The following FBLN2 variants were observed in gnomAD, a reference collection of about 807,000 sequenced individuals.
The protein encoded by FBLN2 is fibulin 2, also known as fibulin-2.
Under a neutral mutation model 123.7 loss-of-function variants are expected in FBLN2, and 81 were observed. The observed-to-expected ratio is 0.65, with a 90% confidence interval of 0.55 to 0.79. The LOEUF is 0.79. Ranked by LOEUF, FBLN2 falls within the 30% of genes least tolerant of loss-of-function variation. The pLI is 0.00. For synonymous variants in FBLN2, 699 were observed against 701.4 expected, an observed-to-expected ratio of 1.00 and a Z score of 0.05; for missense variants, 1,603 against 1,681.3, an observed-to-expected ratio of 0.95 and a Z score of 0.81.
At chr3:13,581,836 G>T (rs2124841931) in intron 2 of FBLN2, among the ~76,000 whole-genome samples, 1 of 152,282 alleles carries the variant, frequency 6.6e-6, no homozygotes, top group South Asian at 2.1e-4. Context: ...GTCAACCTGT[G>T]CCTGGCCATG....
At chr3:13,621,969 C>T (rs1303254606) in intron 9 of FBLN2, 54 bp downstream of exon 9, 28 of 1,584,282 alleles carry the variant, frequency 1.8e-5, no homozygotes, top group East Asian at 4.5e-5. Context: ...CTCTGCTCCA[C>T]GCCAAGCCCA....
chr3:13,630,867 T>G (rs1412095151), intron 15 of FBLN2, 52 bp downstream of exon 15: 1 of 1,386,444 alleles, frequency 7.2e-7, no homozygotes. Context: ...TCCTTTCCCT[T>G]GTGCCAGGCT....
chr3:13,614,635 T>TCCATCC (rs1705524058), intron 5 of FBLN2, among the ~76,000 whole-genome samples: 2 of 131,914 alleles, frequency 1.5e-5, no homozygotes, highest in African/African-American at 3.0e-5. Context: ...CCCACCCAAT[T>TCCATCC]ATCCATCCAT....
Position 13,584,745 on chromosome 3 carries a change from G to T in FBLN2, c.1306+13084G>T, listed in dbSNP as rs529798330. Among the ~76,000 whole-genome samples the T allele has an allele frequency of 9.8e-5, 15 of 152,324 alleles. No individual in the cohort carries two copies. The East Asian group carries it at 2.7e-3, about 27-fold the overall frequency. ...GGCTTTGGGGAGGATGGCCGTGCGG[G>T]TATGGTGGTTGGGAATCAGGGACTG... On this transcript the variant is annotated intron_variant, in intron 2 of 17. Coordinates refer to ENST00000404922, the MANE Select transcript of FBLN2 (RefSeq NM_001004019.2).
chr3:13,597,097 A>G (rs1017819295), intron 2 of FBLN2, among the ~76,000 whole-genome samples: 1 of 151,948 alleles, frequency 6.6e-6, no homozygotes, highest in African/African-American at 2.4e-5. Flanking sequence ...ATGCCTGGCT[A>G]ATTTTTAAAT....
At chr3:13,621,255 C>A (rs533043246) in intron 8 of FBLN2, among the ~76,000 whole-genome samples, 2 of 152,254 alleles carry the variant, frequency 1.3e-5, no homozygotes, top group African/African-American at 4.8e-5. Context: ...GAGTTCCAAA[C>A]GTGTTGAGCA....
chr3:13,607,393 G>A (rs1345730112), intron 2 of FBLN2, among the ~76,000 whole-genome samples: 2 of 152,176 alleles, frequency 1.3e-5, no homozygotes, highest in Non-Finnish European at 2.9e-5. Flanking sequence ...CATCATAAAG[G>A]TCTTCATCCT....
At chr3:13,553,603 A>G (rs1438878022) in intron 1 of FBLN2, among the ~76,000 whole-genome samples, 3 of 152,224 alleles carry the variant, frequency 2.0e-5, no homozygotes, top group Admixed American at 1.3e-4. Context: ...AGTTATTGGA[A>G]TTTGGAAACG....
chr3:13,609,639 C>T lies in FBLN2; in HGVS notation c.1545C>T (p.Tyr515=). The T allele has an allele frequency of 1.3e-6, 2 of 1,518,340 alleles. No individual in the cohort carries two copies. Among genetic ancestry groups the T allele is most frequent in the Non-Finnish European group, 8.8e-7 (1 of 1,137,768 alleles). The allele number at this position is 1,518,340 out of a possible 1,614,324, so 94.1% of individuals were successfully genotyped here. A position where few individuals can be genotyped will look rare whatever the true frequency, so the allele number is the denominator to read the frequency against. The stretch of plus-strand genomic sequence containing the variant: ...ACGACAGCTGCGGCATCTCCCTGTA[C>T]AAGGCAAGCCTGACCTGTGGCCTTC... ...EDNDSCGISL[Y]KQCCDCCGLG... is the part of the protein sequence containing the mutation. Residue 515 remains tyrosine, a synonymous_variant, in exon 4 of 18, where the codon TAC becomes TAT. Coordinates refer to ENST00000404922, the MANE Select transcript of FBLN2 (RefSeq NM_001004019.2).
intron 5 of FBLN2, 77 bp from the exon 6 acceptor site, chr3:13,617,999 A>G (rs1363564109): frequency 6.1e-6 from 8 of 1,311,494 alleles, no homozygotes; most frequent in Non-Finnish European, 8.7e-6. Context: ...GACCTGCACT[A>G]GTTTCCCAAA....
chr3:13,601,548 A>G (rs1006460095), intron 2 of FBLN2, among the ~76,000 whole-genome samples: 1 of 152,186 alleles, frequency 6.6e-6, no homozygotes, highest in African/African-American at 2.4e-5. Context: ...TGTCTGAGCC[A>G]TGTTCCATTC....
intron 1 of FBLN2, among the ~76,000 whole-genome samples, chr3:13,552,752 G>T (rs1703358774): frequency 6.6e-6 from 1 of 152,114 alleles, no homozygotes; most frequent in South Asian, 2.1e-4. Flanking sequence ...GGGCTCCCTG[G>T]AGTTGGCGTT....
intron 1 of FBLN2, among the ~76,000 whole-genome samples, chr3:13,553,628 C>G (rs1372063206): frequency 6.6e-6 from 1 of 152,248 alleles, no homozygotes; most frequent in Non-Finnish European, 1.5e-5. Context: ...AGAAATGCCT[C>G]TCTCTCCCCT....
chr3:13,630,447 G>A lies in FBLN2; in HGVS notation c.2969-252G>A, dbSNP rs538969737. On this transcript the variant is annotated intron_variant, in intron 14 of 17. Transcript: ENST00000404922. ...GGTCTTGGCCCCATTTACCTGGCAC[G>A]GTCTTTCCCAGCCCCTCCCCAGCCT... 7.9e-5 allele frequency among the ~76,000 whole-genome samples: 12 copies of A among 152,328 alleles called. No homozygotes were observed. In the South Asian group the frequency reaches 2.3e-3, roughly 29 times the overall value.
At chr3:13,585,304 A>G (rs1434415271) in intron 2 of FBLN2, among the ~76,000 whole-genome samples, 1 of 152,118 alleles carries the variant, frequency 6.6e-6, no homozygotes, top group African/African-American at 2.4e-5. Context: ...ATCAGTGCTG[A>G]TTGCTTCACT....
intron 16 of FBLN2, among the ~76,000 whole-genome samples, chr3:13,631,862 G>A (rs1706270208): frequency 6.6e-6 from 1 of 152,216 alleles, no homozygotes; most frequent in Admixed American, 6.5e-5. Flanking sequence ...TGTGGACCCA[G>A]AGAGTAGGGC....
At chr3:13,598,384 G>C (rs1388704957) in intron 2 of FBLN2, among the ~76,000 whole-genome samples, 1 of 152,182 alleles carries the variant, frequency 6.6e-6, no homozygotes, top group African/African-American at 2.4e-5. Flanking sequence ...CCCAGCCAGT[G>C]AGTGGTAGCC....
intron 1 of FBLN2, among the ~76,000 whole-genome samples, chr3:13,561,093 T>A (rs1703588681): frequency 6.6e-6 from 1 of 152,170 alleles, no homozygotes; most frequent in Admixed American, 6.5e-5. Flanking sequence ...TCCTCTGATT[T>A]CCCTTACTGG....
At chr3:13,575,467 C>T (rs1282785742) in intron 2 of FBLN2, among the ~76,000 whole-genome samples, 5 of 152,144 alleles carry the variant, frequency 3.3e-5, no homozygotes, top group Admixed American at 2.0e-4. Flanking sequence ...GGTCTCTGGG[C>T]CTTTGCGTTT....
Sources: gnomAD v4.1 joint callset for allele counts (sites outside exome capture counted in the v4.1 genomes callset) on GRCh38, gnomAD v4.1.1 for gene constraint, MANE v1.5 for transcripts, NCBI Gene and HGNC (gene_info 2026-07-23, HGNC 2026-07-21) for gene names.